The following PTPN4 variants were observed in gnomAD, a reference collection of about 807,000 sequenced individuals.
The protein encoded by PTPN4 is protein tyrosine phosphatase non-receptor type 4.
PTPN4 carries 49 observed loss-of-function variants against 135.5 expected under a neutral mutation model. That is an observed-to-expected ratio of 0.36 (90% CI 0.29 to 0.46). PTPN4 has a LOEUF of 0.46. Ranked by LOEUF, PTPN4 falls within the 20% of genes least tolerant of loss-of-function variation. The pLI, the probability that PTPN4 is intolerant of heterozygous loss-of-function variation, is 1.00. For synonymous variants in PTPN4, 333 were observed against 369.9 expected (o/e 0.90, Z 1.14); for missense variants, 860 against 1,101.0 (o/e 0.78, Z 3.10).
Position 119,979,473 on chromosome 2 carries a change from C to T in PTPN4, c.*2403C>T, listed in dbSNP as rs1476482540. ...TTTTCATCTGGGAACTACCCACTGT[C>T]GTCATTTTTATGTGCAGAAAAGATC... On this transcript the variant is annotated 3_prime_UTR_variant, in exon 27 of 27. Coordinates refer to ENST00000263708, the MANE Select transcript of PTPN4 (RefSeq NM_002830.4). 1.3e-5 allele frequency: 2 copies of T among 151,994 alleles called. No homozygotes were observed. Among genetic ancestry groups the T allele is most frequent in the African/African-American group, 2.4e-5 (1 of 41,424 alleles). The allele number at this position is 151,994 out of a possible 1,614,324, so 9.4% of individuals were successfully genotyped here. A position where few individuals can be genotyped will look rare whatever the true frequency, so the allele number is the denominator to read the frequency against.
chr2:119,913,618 T>C (rs1211741346), intron 10 of PTPN4, among the ~76,000 whole-genome samples: 21 of 152,228 alleles, frequency 1.4e-4, no homozygotes, highest in Admixed American at 1.2e-3. Flanking sequence ...AGCGAAACCA[T>C]GTCTGTAATA....
intron 1 of PTPN4, among the ~76,000 whole-genome samples, chr2:119,802,724 A>G (rs1691398583): frequency 6.6e-6 from 1 of 152,186 alleles, no homozygotes; most frequent in Admixed American, 6.5e-5. Flanking sequence ...AATTGGCTAC[A>G]TGGAATGATT....
chr2:119,847,692 C>G (rs1677526067), intron 2 of PTPN4, among the ~76,000 whole-genome samples: 1 of 152,160 alleles, frequency 6.6e-6, no homozygotes, highest in African/African-American at 2.4e-5. Flanking sequence ...CATGTAAATT[C>G]ATATCACTGT....
intron 12 of PTPN4, 150 bp from the exon 13 acceptor site, chr2:119,926,448 A>G (rs2105033163): frequency 4.3e-6 from 2 of 464,732 alleles, no homozygotes; most frequent in African/African-American, 2.0e-5. Flanking sequence ...TAGAATTGGA[A>G]TGTTGTCCAG....
chr2:119,774,982 A>G (rs1169389711), intron 1 of PTPN4, among the ~76,000 whole-genome samples: 1 of 151,666 alleles, frequency 6.6e-6, no homozygotes, highest in East Asian at 1.9e-4. Context: ...GCGCCACTGC[A>G]CTCCAGCCTG....
chr2:119,908,445 T>C (rs1206053363), intron 10 of PTPN4, among the ~76,000 whole-genome samples: 1 of 152,184 alleles, frequency 6.6e-6, no homozygotes, highest in Non-Finnish European at 1.5e-5. Context: ...GTGTATGTTA[T>C]TGTATCAGTG....
chr2:119,865,436 T>C (rs966532132), intron 3 of PTPN4, among the ~76,000 whole-genome samples: 5 of 152,126 alleles, frequency 3.3e-5, no homozygotes, highest in Non-Finnish European at 5.9e-5. Flanking sequence ...GAAAAACTAA[T>C]ACTTATAGAA....
intron 9 of PTPN4, among the ~76,000 whole-genome samples, chr2:119,891,096 T>A (rs1024139960): frequency 1.6e-4 from 24 of 152,176 alleles, no homozygotes; most frequent in South Asian, 1.4e-3. Flanking sequence ...TGCTTGGGGG[T>A]ACAAGTAACA....
intron 2 of PTPN4, among the ~76,000 whole-genome samples, chr2:119,846,618 A>G (rs570646113): frequency 6.1e-4 from 92 of 150,974 alleles, no homozygotes; most frequent in African/African-American, 2.1e-3. Flanking sequence ...AGTTAATGTT[A>G]TTATTGATAT....
intron 3 of PTPN4, among the ~76,000 whole-genome samples, chr2:119,875,940 G>A (rs1483983596): frequency 2.6e-5 from 4 of 152,280 alleles, no homozygotes; most frequent in South Asian, 4.1e-4. Context: ...GGAGCTGTAC[G>A]ACATACTTTT....
At chr2:119,976,900 T>G in intron 26 of PTPN4, 84 bp from the exon 27 acceptor site, 378 of 1,513,270 alleles carry the variant, frequency 2.5e-4, no homozygotes, top group Non-Finnish European at 2.9e-4. Flanking sequence ...GCAAGCCAAG[T>G]GAGATGTTTG....
intron 2 of PTPN4, among the ~76,000 whole-genome samples, chr2:119,828,270 A>G (rs1271245854): frequency 2.6e-5 from 4 of 152,236 alleles, no homozygotes; most frequent in Non-Finnish European, 4.4e-5. Flanking sequence ...TGACTTTACT[A>G]TCTGCTGTCT....
intron 2 of PTPN4, among the ~76,000 whole-genome samples, chr2:119,833,135 C>A (rs1677242744): frequency 6.6e-6 from 1 of 151,938 alleles, no homozygotes; most frequent in Admixed American, 6.6e-5. Flanking sequence ...CTTCTCTAGT[C>A]TTGTCAGAAG....
chr2:119,936,890 T>C (rs944835155), intron 15 of PTPN4, among the ~76,000 whole-genome samples: 24 of 152,192 alleles, frequency 1.6e-4, no homozygotes, highest in African/African-American at 4.1e-4. Flanking sequence ...TGAATCTATA[T>C]TACTGCATTT....
At chr2:119,840,751 CTGT>C (rs1677367752) in intron 2 of PTPN4, among the ~76,000 whole-genome samples, 1 of 152,198 alleles carries the variant, frequency 6.6e-6, no homozygotes, top group African/African-American at 2.4e-5. Flanking sequence ...TCACCAGCAT[CTGT>C]TGTTTTTTGA....
intron 24 of PTPN4, 58 bp from the exon 25 acceptor site, chr2:119,965,439 G>T (rs548530910): frequency 4.0e-5 from 60 of 1,483,560 alleles, no homozygotes; most frequent in Non-Finnish European, 4.9e-5. Flanking sequence ...TATGAGGTTT[G>T]TAGGGACAAT....
intron 1 of PTPN4, among the ~76,000 whole-genome samples, chr2:119,770,693 T>C (rs1020857265): frequency 5.9e-5 from 9 of 152,264 alleles, no homozygotes; most frequent in South Asian, 2.1e-4. Flanking sequence ...TTAAAAAATA[T>C]AGTAGTATGT....
chr2:119,776,096 C>T (rs574247082), intron 1 of PTPN4, among the ~76,000 whole-genome samples: 42 of 152,300 alleles, frequency 2.8e-4, no homozygotes, highest in African/African-American at 1.0e-3. Context: ...TCTTTTACAA[C>T]ATGGACCCTT....
In PTPN4 at chr2:119,885,874, T is replaced by A; in HGVS notation, c.667T>A (p.Tyr223Asn). 1.3e-6 allele frequency: 2 copies of A among 1,580,824 alleles called. No individual in the cohort carries two copies. The highest frequency in any genetic ancestry group is 1.4e-5 in the African/African-American group (1 of 73,454). The stretch of plus-strand genomic sequence containing the variant: ...AGAACTCTATGGAGTTGAATTCCAC[T>A]ATGCAAGGGTAAGTGAAGAAAACTT... ...TLELYGVEFH[Y>N]ARDQSNNEIM... Residue 223 changes from tyrosine to asparagine, a missense_variant, in exon 9 of 27, where the codon TAT (tyrosine) becomes AAT (asparagine). By Grantham distance (143) the Tyr-to-Asn change is moderately radical. Transcript: ENST00000263708.
Sources: allele counts gnomAD v4.1 joint callset (sites outside exome capture counted in the v4.1 genomes callset), GRCh38; gene constraint gnomAD v4.1.1; transcripts MANE v1.5; gene names NCBI Gene and HGNC (gene_info 2026-07-23, HGNC 2026-07-21).